Variants in CTNNA2 observed in about 807,000 individuals in gnomAD.
The protein encoded by CTNNA2 is catenin alpha 2.
A neutral mutation model predicts 101.0 loss-of-function variants in CTNNA2; 42 were observed. That is an observed-to-expected ratio of 0.42 (90% confidence interval 0.32 to 0.54). The LOEUF (loss-of-function observed/expected upper bound fraction) is 0.54. Among genes scored for constraint, CTNNA2 ranks in the 20% least tolerant of loss-of-function variants. The pLI, the probability that CTNNA2 is intolerant of heterozygous loss-of-function variation, is 0.14. For missense variants in CTNNA2, 871 were observed against 1,223.1 expected (o/e 0.71, Z 4.29); for synonymous variants, 450 against 456.4 (o/e 0.99, Z 0.18).
rs527868940 is a variant in CTNNA2 at position 79,443,646 on chromosome 2, C to T, written c.-134-61408C>T. Among the ~76,000 whole-genome samples, 12 of 152,214 alleles carry T rather than the reference C, an allele frequency of 7.9e-5. No individual in the cohort carries two copies. The East Asian group carries it at 2.3e-3, about 29-fold the overall frequency. Reference sequence around the variant, plus strand: ...TAACTATAGAAATTCAAAACCTTCTCTGACACAATTCTGTTGTCTAACACA... The same window carrying T: ...TAACTATAGAAATTCAAAACCTTCTTTGACACAATTCTGTTGTCTAACACA... On this transcript the variant is annotated intron_variant, in intron 4 of 21. Coordinates refer to the CTNNA2 transcript ENST00000466387.
rs189051948 is a variant in CTNNA2 at position 80,587,356 on chromosome 2, A to G, written c.2008-1948A>G. Among the ~76,000 whole-genome samples, 554 of 152,306 alleles carry G rather than the reference A, an allele frequency of 3.6e-3. 3 individuals are homozygous for G. Among genetic ancestry groups the G allele is most frequent in the Admixed American group, 6.7e-3 (103 of 15,300 alleles). On this transcript the variant is annotated intron_variant, in intron 14 of 18. Transcript: ENST00000402739. Reference sequence around the variant, plus strand: ...TCCCTTTCCCTATAGCAACTAAGAAATGAGCCAGAGGGGTAGTTGGAAAGG... The same window carrying G: ...TCCCTTTCCCTATAGCAACTAAGAAGTGAGCCAGAGGGGTAGTTGGAAAGG...
At chr2:79,663,165 A>T (rs1185908476) in intron 2 of CTNNA2, among the ~76,000 whole-genome samples, 1 of 151,798 alleles carries the variant, frequency 6.6e-6, no homozygotes, top group Admixed American at 6.6e-5. Flanking sequence ...CCACTTTCCA[A>T]CTCTGCTGCT....
At chr2:79,409,254 G>A (rs1278525156) in intron 4 of CTNNA2, among the ~76,000 whole-genome samples, 2 of 152,124 alleles carry the variant, frequency 1.3e-5, no homozygotes, top group Non-Finnish European at 2.9e-5. Context: ...TAGGTTGCCT[G>A]TTCAGTCTGA....
At chr2:80,335,628 T>C (rs1429959406) in intron 7 of CTNNA2, among the ~76,000 whole-genome samples, 2 of 152,166 alleles carry the variant, frequency 1.3e-5, no homozygotes, top group African/African-American at 4.8e-5. Context: ...CATCAGTACT[T>C]GGCACCAGAT....
At chr2:80,105,253 G>A (rs1168719106) in intron 7 of CTNNA2, among the ~76,000 whole-genome samples, 1 of 152,144 alleles carries the variant, frequency 6.6e-6, no homozygotes, top group Admixed American at 6.5e-5. Flanking sequence ...CACGTGACAG[G>A]CCATTTCATG....
intron 7 of CTNNA2, among the ~76,000 whole-genome samples, chr2:80,019,413 A>G (rs756906819): frequency 4.6e-5 from 7 of 152,250 alleles, no homozygotes; most frequent in Non-Finnish European, 1.0e-4. Flanking sequence ...AAAGCAAACA[A>G]TGGGCCAAAA....
intron 7 of CTNNA2, among the ~76,000 whole-genome samples, chr2:80,190,175 TG>T (rs1706400662): frequency 6.6e-6 from 1 of 151,936 alleles, no homozygotes; most frequent in African/African-American, 2.4e-5. Context: ...GGGAAGGCTT[TG>T]GTTCAAAAGC....
intron 1 of CTNNA2, among the ~76,000 whole-genome samples, chr2:79,187,092 G>T (rs1299954599): frequency 6.6e-6 from 1 of 151,798 alleles, no homozygotes; most frequent in Admixed American, 6.6e-5. Context: ...GTGGAATGGG[G>T]GTGTTTATGA....
chr2:79,612,480 T>TATA (rs111512800), intron 1 of CTNNA2, among the ~76,000 whole-genome samples: 10 of 152,304 alleles, frequency 6.6e-5, no homozygotes, highest in African/African-American at 2.4e-4. Flanking sequence ...CCCTCATTAT[T>TATA]ATAGAGGCAA....
chr2:80,175,515 A>G (rs979031445), intron 7 of CTNNA2, among the ~76,000 whole-genome samples: 3 of 152,146 alleles, frequency 2.0e-5, no homozygotes, highest in Non-Finnish European at 2.9e-5. Context: ...TCCTTCAACA[A>G]ATATTTAGTG....
At chr2:80,508,684 A>C (rs979031937) in intron 9 of CTNNA2, among the ~76,000 whole-genome samples, 7 of 152,100 alleles carry the variant, frequency 4.6e-5, no homozygotes, top group South Asian at 2.1e-4. Context: ...CAAAAAAAAA[A>C]AAAAACAAAT....
intron 1 of CTNNA2, among the ~76,000 whole-genome samples, chr2:79,514,864 A>T (rs1359826485): frequency 1.3e-5 from 2 of 152,248 alleles, no homozygotes; most frequent in African/African-American, 4.8e-5. Flanking sequence ...TGCCAGTAAG[A>T]CACTATGCTG....
intron 2 of CTNNA2, among the ~76,000 whole-genome samples, chr2:79,696,031 G>A (rs1409438723): frequency 1.3e-5 from 2 of 152,016 alleles, no homozygotes; most frequent in East Asian, 3.9e-4. Flanking sequence ...CTTGGTGGAA[G>A]CCCTATAGAC....
rs530114431 is a variant in CTNNA2, at chr2:79,201,087, T to TC, written c.-406+3020dup. Among the ~76,000 whole-genome samples, 661 of 149,660 alleles carry TC rather than the reference T, an allele frequency of 4.4e-3. 2 individuals carry two copies. Among genetic ancestry groups the TC allele is most frequent in the South Asian group, 0.013 (61 of 4,668 alleles). ...CCTTAAGTAATCAAAATAAAACATT[T>TC]CCCCCCCCCTTTTTTTGTGGAAATT... On this transcript the variant is annotated intron_variant, in intron 2 of 21. Transcript: ENST00000466387.
intron 6 of CTNNA2, among the ~76,000 whole-genome samples, chr2:79,895,336 T>G (rs1403825455): frequency 6.6e-6 from 1 of 152,196 alleles, no homozygotes; most frequent in Non-Finnish European, 1.5e-5. Flanking sequence ...ATGCTCAAGG[T>G]GTATGCATTT....
chr2:79,554,767 GTTATTGTCATTATTTCAT>G (rs1674339058), intron 1 of CTNNA2, among the ~76,000 whole-genome samples: 1 of 152,156 alleles, frequency 6.6e-6, no homozygotes, highest in Non-Finnish European at 1.5e-5. Flanking sequence ...AGAAATGGAG[GTTATTGTCATTATTTCAT>G]AAATGAGGAG....
chr2:80,510,743 A>G (rs112849198), intron 9 of CTNNA2, among the ~76,000 whole-genome samples: 10 of 152,340 alleles, frequency 6.6e-5, no homozygotes, highest in African/African-American at 2.4e-4. Context: ...TTTCAGGGAA[A>G]GAATATAGGA....
chr2:80,267,582 A>G (rs1033815556), intron 7 of CTNNA2, among the ~76,000 whole-genome samples: 6 of 152,184 alleles, frequency 3.9e-5, no homozygotes, highest in African/African-American at 1.4e-4. Context: ...TGCCACCTGG[A>G]TGGGAAACTA....
chr2:80,521,181 A>G (rs1256492126), intron 9 of CTNNA2, among the ~76,000 whole-genome samples: 7 of 152,048 alleles, frequency 4.6e-5, no homozygotes, highest in Admixed American at 4.6e-4. Context: ...CCCTTCCTCT[A>G]CCTAACCCTG....
Sources: allele counts gnomAD v4.1 joint callset (sites outside exome capture counted in the v4.1 genomes callset), GRCh38; gene constraint gnomAD v4.1.1; transcripts MANE v1.5; gene names NCBI Gene and HGNC (gene_info 2026-07-23, HGNC 2026-07-21).